The following LHCGR variants were observed in gnomAD, a reference collection of about 807,000 sequenced individuals.
The protein encoded by LHCGR is lutropin-choriogonadotropic hormone receptor.
A neutral mutation model predicts 60.7 loss-of-function variants in LHCGR; 55 were observed. The observed-to-expected ratio is 0.91, with a 90% CI of 0.73 to 1.13. The LOEUF (loss-of-function observed/expected upper bound fraction) is 1.13. LHCGR is among the 50% of genes most tolerant of loss of function. The pLI is 0.00. For synonymous variants in LHCGR, 337 were observed against 316.5 expected (o/e 1.06, Z -0.69); for missense variants, 862 against 836.0 (o/e 1.03, Z -0.38).
intron 1 of LHCGR, among the ~76,000 whole-genome samples, chr2:48,739,676 T>C (rs1329634160): frequency 8.3e-6 from 1 of 120,264 alleles, no homozygotes; most frequent in Non-Finnish European, 1.7e-5. Flanking sequence ...GTGGGGGGAG[T>C]GGGGAGGGAT....
At chr2:48,738,817 A>G (rs1368630523) in intron 1 of LHCGR, among the ~76,000 whole-genome samples, 2 of 152,268 alleles carry the variant, frequency 1.3e-5, no homozygotes, top group African/African-American at 4.8e-5. Context: ...TGAAATGAGA[A>G]TATTTTATAC....
At chr2:48,695,229 C>T (rs1168504102) in intron 9 of LHCGR, among the ~76,000 whole-genome samples, 1 of 152,168 alleles carries the variant, frequency 6.6e-6, no homozygotes. Flanking sequence ...AATATTGTTT[C>T]CCATCCTGTA....
chr2:48,754,211 T>G (rs1305547111), intron 1 of LHCGR, among the ~76,000 whole-genome samples: 1 of 152,192 alleles, frequency 6.6e-6, no homozygotes, highest in Non-Finnish European at 1.5e-5. Context: ...TAACTGTATC[T>G]CTCAACCACA....
intron 1 of LHCGR, among the ~76,000 whole-genome samples, chr2:48,731,971 G>A (rs917196620): frequency 1.3e-5 from 2 of 152,126 alleles, no homozygotes; most frequent in African/African-American, 2.4e-5. Context: ...TGTCATTTGC[G>A]GGGAATGTCT....
chr2:48,700,089 T>C (rs1667333305), intron 8 of LHCGR, among the ~76,000 whole-genome samples: 5 of 152,204 alleles, frequency 3.3e-5, no homozygotes, highest in Admixed American at 3.3e-4. Flanking sequence ...CAGCAAAATT[T>C]GTCTCAGGGG....
rs1041876294 is a variant in LHCGR, at chr2:48,688,189, C to T, written c.1608G>A (p.Val536=). Residue 536 remains valine, a synonymous_variant, in exon 11 of 11, where the codon GTG becomes GTA. Coordinates refer to ENST00000294954, the MANE Select transcript of LHCGR (RefSeq NM_000233.4). The surrounding 1 kb of genome is among the most constrained non-coding windows in gnomAD (Gnocchi z 5.2). ...VYILTILILN[V]VAFFIICACY... ...AAGCACAAATTATGAAGAAGGCCAC[C>T]ACATTGAGAATCAGGATGGTTAATA... 41 of 1,613,908 alleles carry T rather than the reference C, an allele frequency of 2.5e-5. No individual in the cohort carries two copies. Among genetic ancestry groups the T allele is most frequent in the Non-Finnish European group, 3.5e-5 (41 of 1,180,016 alleles).
chr2:48,694,189 AC>A lies in LHCGR; in HGVS notation c.947+34del, dbSNP rs752947510. ...TAATAAGGTGCACACAGAACAAGAT[AC>A]GACTTCTGAGTTTCCTTGCATGCAA... On this transcript the variant is annotated intron_variant, in intron 10 of 10. Coordinates refer to ENST00000294954, the MANE Select transcript of LHCGR (RefSeq NM_000233.4). 9.2e-6 allele frequency: 11 copies of A among 1,200,874 alleles called. No homozygotes were observed. The African/African-American group carries it at 1.2e-4, about 13-fold the overall frequency. The allele number at this position is 1,200,874 out of a possible 1,614,324, so 74.4% of individuals were successfully genotyped here.
At chr2:48,690,703 A>G (rs35659772) in intron 10 of LHCGR, among the ~76,000 whole-genome samples, 11,179 of 152,240 alleles carry the variant, frequency 0.073, 483 homozygotes, top group Non-Finnish European at 0.1. Context: ...AAGCTCTTCT[A>G]TGAAGGCTTT....
chr2:48,749,891 A>C (rs960229590), intron 1 of LHCGR, among the ~76,000 whole-genome samples: 1 of 152,060 alleles, frequency 6.6e-6, no homozygotes, highest in African/African-American at 2.4e-5. Context: ...GCTATCATTC[A>C]CTTTCCCCAG....
intron 8 of LHCGR, among the ~76,000 whole-genome samples, chr2:48,700,695 A>T (rs371856013): frequency 6.6e-6 from 1 of 152,298 alleles, no homozygotes. Context: ...AACTTACAAG[A>T]TTCGGAGTCT....
In LHCGR at chr2:48,698,773, G is replaced by C; in HGVS notation, c.708C>G (p.Ala236=). 1.9e-6 allele frequency: 3 copies of C among 1,614,022 alleles called. No homozygotes were observed. Among genetic ancestry groups the C allele is most frequent in the Non-Finnish European group, 2.5e-6 (3 of 1,179,898 alleles). ...TLDISSTKLQ[A]LPSYGLESIQ... The stretch of plus-strand genomic sequence containing the variant: ...TGGACTCTAGGCCATAGCTCGGCAG[G>C]GCCTGCAATTTGGTGGAAGAAATAT... The change falls in exon 9 of 11, where the codon GCC becomes GCG. Residue 236 remains alanine (A), a synonymous_variant. Coordinates refer to ENST00000294954, the MANE Select transcript of LHCGR (RefSeq NM_000233.4).
rs756493268 is a variant in LHCGR, at chr2:48,687,763, C to A, written c.2034G>T (p.Leu678Phe). ...CTTGACAGTGCAATGTGGACAACTT[C>A]AAGGTGGATTGAGAAGGCTTATTTG... The part of the protein sequence containing the change: ...TGSNKPSQST[L>F]KLSTLHCQGT... The change falls in exon 11 of 11, where the codon TTG (leucine) becomes TTT (phenylalanine). Residue 678 changes from leucine to phenylalanine, a missense_variant. Leu to Phe is a conservative substitution (Grantham distance 22). Coordinates refer to ENST00000294954, the MANE Select transcript of LHCGR (RefSeq NM_000233.4). 1 of 1,614,098 alleles carries A rather than the reference C, an allele frequency of 6.2e-7. No individual in the cohort carries two copies. Among genetic ancestry groups the A allele is most frequent in the South Asian group, 1.1e-5 (1 of 91,082 alleles).
chr2:48,724,307 G>A (rs973735734), intron 4 of LHCGR, among the ~76,000 whole-genome samples: 7 of 152,188 alleles, frequency 4.6e-5, no homozygotes, highest in Non-Finnish European at 1.0e-4. Context: ...GAGGAGAGAG[G>A]CTTAAGTGAT....
At chr2:48,713,882 G>C (rs2104431201) in intron 7 of LHCGR, 104 bp downstream of exon 7, 1 of 936,352 alleles carries the variant, frequency 1.1e-6, no homozygotes, top group African/African-American at 1.6e-5. Context: ...CCACTTGAAA[G>C]TTTATTTTTG....
rs112917180 is a variant in LHCGR at position 48,745,991 on chromosome 2, C to G, written c.161+9520G>C. ...CCATAGTGTGGTAGTTAAGAGCGCA[C>G]ACTCTGGAGCCAGCCTGGGTTCAAA... On this transcript the variant is annotated intron_variant, in intron 1 of 10. Transcript: ENST00000294954. Among the ~76,000 whole-genome samples, 775 of 152,278 alleles carry G rather than the reference C, an allele frequency of 5.1e-3. 3 individuals carry two copies. The highest frequency in any genetic ancestry group is 0.018 in the African/African-American group (740 of 41,552).
intron 6 of LHCGR, among the ~76,000 whole-genome samples, chr2:48,719,456 C>T (rs1044347670): frequency 4.6e-5 from 7 of 152,150 alleles, no homozygotes; most frequent in African/African-American, 1.7e-4. Flanking sequence ...TTGCTATGAC[C>T]TTTCCATTTC....
intron 2 of LHCGR, 63 bp downstream of exon 2, chr2:48,731,164 T>C: frequency 8.7e-7 from 1 of 1,154,036 alleles, no homozygotes; most frequent in Non-Finnish European, 1.3e-6. Context: ...AAATGTGTTT[T>C]CTCTTAGAAA....
chr2:48,725,615 T>G (rs1325545560), intron 4 of LHCGR, 61 bp downstream of exon 4: 4 of 1,169,896 alleles, frequency 3.4e-6, no homozygotes, highest in Non-Finnish European at 5.2e-6. Flanking sequence ...TTTCCTTGTT[T>G]TGATTTTCAT....
At chr2:48,701,221 T>C (rs938210776) in intron 8 of LHCGR, among the ~76,000 whole-genome samples, 10 of 152,050 alleles carry the variant, frequency 6.6e-5, no homozygotes, top group Non-Finnish European at 1.2e-4. Flanking sequence ...CTTGGCGGGA[T>C]CTACAGTACG....
Sources: allele counts gnomAD v4.1 joint callset (sites outside exome capture counted in the v4.1 genomes callset), GRCh38; gene constraint gnomAD v4.1.1; non-coding constraint Gnocchi (gnomAD v3.1); transcripts MANE v1.5; gene names NCBI Gene and HGNC (gene_info 2026-07-23, HGNC 2026-07-21).